The following ARFIP2 variants were observed in gnomAD, a reference collection of about 807,000 sequenced individuals.
The protein encoded by ARFIP2 is arfaptin-2.
A neutral mutation model predicts 39.2 loss-of-function variants in ARFIP2; 14 were observed. The observed-to-expected ratio is 0.36, with a 90% CI of 0.24 to 0.56. The LOEUF (loss-of-function observed/expected upper bound fraction) is 0.56, where lower values mean the gene tolerates loss of function less well. Ranked by LOEUF, ARFIP2 falls within the 20% of genes least tolerant of loss-of-function variation. The probability of loss-of-function intolerance (pLI) is 0.85; values close to 1 mark genes in which losing one functional copy is unlikely to be tolerated. For missense variants in ARFIP2, 305 were observed against 422.5 expected (o/e 0.72, Z 2.44); for synonymous variants, 167 against 172.4 (o/e 0.97, Z 0.24).
chr11:6,477,948 T>TCC lies in ARFIP2; in HGVS notation c.696-58_696-57dup, dbSNP rs1851277239. ...ACTCCTTTATCCTCAACACATACTC[T>TCC]CCTTTCCTTCCTGAATTCTTATGCC... On this transcript the variant is annotated intron_variant, in intron 6 of 7. Transcript: ENST00000396777. This position sits in a 1 kb window ranked among gnomAD's most constrained non-coding sequence, Gnocchi z 4.8. 2 of 1,604,554 alleles carry TCC rather than the reference T, an allele frequency of 1.2e-6. No individual in the cohort carries two copies. Among genetic ancestry groups the TCC allele is most frequent in the East Asian group, 4.5e-5 (2 of 44,616 alleles).
rs547334824 is a variant in ARFIP2 at position 6,481,288 on chromosome 11, G to A, written c.-100C>T. 3.0e-6 allele frequency: 2 copies of A among 660,850 alleles called. No homozygotes were observed. The highest frequency in any genetic ancestry group is 5.1e-6 in the Non-Finnish European group (2 of 393,602). 40.9% of individuals were successfully genotyped at this position (660,850 alleles called of 1,614,324 possible). A position where few individuals can be genotyped will look rare whatever the true frequency, so the allele number is the denominator to read the frequency against. On this transcript the variant is annotated 5_prime_UTR_variant, in exon 1 of 8. Coordinates refer to ENST00000396777, the MANE Select transcript of ARFIP2 (RefSeq NM_001376558.2). ...CAGGCCCGGGCCGCGCGGGGACCTC[G>A]GGCTCCAGTTCCCGTCGCGATCCTA...
At chr11:6,479,060 TG>T (rs1218312843) in intron 4 of ARFIP2, 79 bp downstream of exon 4, 3 of 1,581,254 alleles carry the variant, frequency 1.9e-6, no homozygotes, top group East Asian at 4.5e-5. Flanking sequence ...CAGCCACAGA[TG>T]GGATATTACG....
rs1564985046 is a variant in ARFIP2, at chr11:6,479,796, T to G, written c.196+176A>C. The stretch of plus-strand genomic sequence containing the variant: ...CAGGGGCTAAGTGGCAAAAGGGAAA[T>G]GGATGGACAACGCTGGGAGTTGCTT... On this transcript the variant is annotated intron_variant, in intron 3 of 7. Coordinates refer to ENST00000396777, the MANE Select transcript of ARFIP2 (RefSeq NM_001376558.2). 26 of 645,534 alleles carry G rather than the reference T, an allele frequency of 4.0e-5. 1 individual carries two copies. In the South Asian group the frequency reaches 4.9e-4, roughly 12 times the overall value. 40.0% of individuals were successfully genotyped at this position (645,534 alleles called of 1,614,324 possible). A position where few individuals can be genotyped will look rare whatever the true frequency, so the allele number is the denominator to read the frequency against.
At chr11:6,480,594 G>C (rs1851635945) in intron 1 of ARFIP2, 131 bp from the exon 2 acceptor site, 3 of 568,654 alleles carry the variant, frequency 5.3e-6, no homozygotes, top group Non-Finnish European at 9.2e-6. Flanking sequence ...CCTTTCTTCA[G>C]ATATATGTAT....
At position 6,477,860 on chromosome 11, in the gene ARFIP2, T is replaced by C. The variant is rs761724870; in HGVS notation, c.728A>G (p.Glu243Gly). 1 of 1,613,952 alleles carries C rather than the reference T, an allele frequency of 6.2e-7. No homozygotes were observed. The highest frequency in any genetic ancestry group is 1.1e-5 in the South Asian group (1 of 91,068). ...LEYDAYRTDLEELSLGPRDAG... is the reference protein window; with the variant it reads ...LEYDAYRTDLGELSLGPRDAG... Reference sequence around the variant, plus strand: ...ATCCCGGGGGCCTAGACTCAGCTCCTCTAAGTCTGTTCGGTAGGCATCATA... The same window carrying C: ...ATCCCGGGGGCCTAGACTCAGCTCCCCTAAGTCTGTTCGGTAGGCATCATA... The change falls in exon 7 of 8, where the codon GAG (glutamate) becomes GGG (glycine). Residue 243 changes from glutamate to glycine, a missense_variant. Coordinates refer to ENST00000396777, the MANE Select transcript of ARFIP2 (RefSeq NM_001376558.2). This position sits in a 1 kb window ranked among gnomAD's most constrained non-coding sequence, Gnocchi z 4.8.
At position 6,478,753 on chromosome 11, in the gene ARFIP2, C is replaced by T. The variant is rs1232166988; in HGVS notation, c.522G>A (p.Lys174=). The T allele has an allele frequency of 6.2e-7, 1 of 1,611,278 alleles. No individual in the cohort carries two copies. Among genetic ancestry groups the T allele is most frequent in the African/African-American group, 1.3e-5 (1 of 74,882 alleles). Reference sequence around the variant, plus strand: ...GGTGAGGCACCTGAAGCTCTGGGGACTTCTGGCTGAGGTCAGCAAAGGCAT... The same window carrying T: ...GGTGAGGCACCTGAAGCTCTGGGGATTTCTGGCTGAGGTCAGCAAAGGCAT... ...LGDAFADLSQ[K]SPELQEEFGY... is the part of the protein sequence containing the mutation. Residue 174 remains lysine, a synonymous_variant, in exon 5 of 8, where the codon AAG becomes AAA. Coordinates refer to ENST00000396777, the MANE Select transcript of ARFIP2 (RefSeq NM_001376558.2). The surrounding 1 kb of genome is among the most constrained non-coding windows in gnomAD (Gnocchi z 4.8).
In ARFIP2 at chr11:6,477,791, T is replaced by C. The variant is rs181724794; in HGVS notation, c.797A>G (p.Gln266Arg). ...CTTCTCATACTTGTCCCGATGGGCC[T>C]GGAAAGTGGCCTGGGCACTCTCAAG... Reference protein sequence around the residue: ...GRLESAQATFQAHRDKYEKLR... With the variant: ...GRLESAQATFRAHRDKYEKLR... The change falls in exon 7 of 8, where the codon CAG (glutamine) becomes CGG (arginine). Residue 266 changes from glutamine to arginine, a missense_variant. Physicochemically the swap from Gln to Arg is conservative, Grantham distance 43. Around this residue, in one of 3 missense-constraint regions of ARFIP2, gnomAD observed 112 missense variants for 118.2 expected, o/e 0.95. Transcript: ENST00000396777. The surrounding 1 kb of genome is among the most constrained non-coding windows in gnomAD (Gnocchi z 4.8). 2.2e-5 allele frequency: 35 copies of C among 1,613,986 alleles called. No individual in the cohort carries two copies. The Admixed American group carries it at 4.5e-4, about 21-fold the overall frequency.
In ARFIP2 at chr11:6,478,261, C is replaced by T; in HGVS notation, c.538-63G>A. ...TCCCTACCTGACTGAAGCTGTAGAG[C>T]CCTTCATTCCCCTCCTCCCCGGGGA... On this transcript the variant is annotated intron_variant, in intron 5 of 7. Transcript: ENST00000396777. The surrounding 1 kb of genome is among the most constrained non-coding windows in gnomAD (Gnocchi z 4.8). 3 of 1,572,798 alleles carry T rather than the reference C, an allele frequency of 1.9e-6. No homozygotes were observed. Among genetic ancestry groups the T allele is most frequent in the Non-Finnish European group, 8.7e-7 (1 of 1,148,448 alleles).
Position 6,478,847 on chromosome 11 carries a change from A to G in ARFIP2, c.428T>C (p.Val143Ala). 6.2e-7 allele frequency: 1 copy of G among 1,614,180 alleles called. No individual in the cohort carries two copies. Among genetic ancestry groups the G allele is most frequent in the Non-Finnish European group, 8.5e-7 (1 of 1,180,024 alleles). ...LRETKRKYES[V>A]LQLGRALTAH... ...TGTCAGTGCCCGGCCCAGCTGCAGG[A>G]CACTCTCATACTTGCGCTTCGTCTC... The change falls in exon 5 of 8, where the codon GTC becomes GCC. Residue 143 changes from valine to alanine, a missense_variant. Val to Ala is a moderately conservative substitution (Grantham distance 64). Around this residue, in one of 3 missense-constraint regions of ARFIP2, gnomAD observed 151 missense variants for 203.1 expected, o/e 0.74. Transcript: ENST00000396777. The surrounding 1 kb of genome is among the most constrained non-coding windows in gnomAD (Gnocchi z 4.8).
rs745337370 is a variant in ARFIP2, at chr11:6,477,921, C to G, written c.696-29G>C. 1.9e-6 allele frequency: 3 copies of G among 1,612,334 alleles called. No homozygotes were observed. Among genetic ancestry groups the G allele is most frequent in the South Asian group, 2.2e-5 (2 of 90,944 alleles). On this transcript the variant is annotated intron_variant, in intron 6 of 7. Coordinates refer to ENST00000396777, the MANE Select transcript of ARFIP2 (RefSeq NM_001376558.2). This position sits in a 1 kb window ranked among gnomAD's most constrained non-coding sequence, Gnocchi z 4.8. ...GGGAGGGGGTGATAAAGGCTGGTCTCCACTCCTTTATCCTCAACACATACT... is the reference window on the plus strand; with the variant it reads ...GGGAGGGGGTGATAAAGGCTGGTCTGCACTCCTTTATCCTCAACACATACT...
Position 6,481,325 on chromosome 11 carries a change from G to C in ARFIP2, c.-137C>G, listed in dbSNP as rs961807308. 9.5e-6 allele frequency: 8 copies of C among 838,306 alleles called. No individual in the cohort carries two copies. The highest frequency in any genetic ancestry group is 1.5e-5 in the Non-Finnish European group (8 of 532,194). The allele number at this position is 838,306 out of a possible 1,614,324, so 51.9% of individuals were successfully genotyped here. ...CCGTCGCGATCCTAGCAGCAGGTCA[G>C]GGACTCGGCGGAAATGACGTCCTCT... is the stretch of plus-strand genomic sequence containing the variant. On this transcript the variant is annotated 5_prime_UTR_variant, in exon 1 of 8. Coordinates refer to ENST00000396777, the MANE Select transcript of ARFIP2 (RefSeq NM_001376558.2).
rs374345673 is a variant in ARFIP2 at position 6,477,181 on chromosome 11, G to C, written c.958C>G (p.Leu320Val). 7.0e-5 allele frequency: 113 copies of C among 1,612,750 alleles called. No homozygotes were observed. The Middle Eastern group carries it at 3.9e-3, about 56-fold the overall frequency. Residue 320 changes from leucine (L) to valine (V), a missense_variant, in exon 8 of 8, where the codon CTG becomes GTG. Around this residue, in one of 3 missense-constraint regions of ARFIP2, gnomAD observed 112 missense variants for 118.2 expected, o/e 0.95. Coordinates refer to ENST00000396777, the MANE Select transcript of ARFIP2 (RefSeq NM_001376558.2). This position sits in a 1 kb window ranked among gnomAD's most constrained non-coding sequence, Gnocchi z 4.8. ...AGNQKQLEQTLQQFNIKLRPP... is the reference protein window; with the variant it reads ...AGNQKQLEQTVQQFNIKLRPP... ...CGCAGCTTGATGTTGAACTGCTGCA[G>C]GGTCTGCTCCAGCTGTTTCTGGTTC...
At position 6,477,656 on chromosome 11, in the gene ARFIP2, G is replaced by C; in HGVS notation, c.870+62C>G. ...CCTCATTCAATAATGGGGAGGGTCT[G>C]AGGGGAAGGTTAGTGTTACAGATGG... On this transcript the variant is annotated intron_variant, in intron 7 of 7. Coordinates refer to ENST00000396777, the MANE Select transcript of ARFIP2 (RefSeq NM_001376558.2). The surrounding 1 kb of genome is among the most constrained non-coding windows in gnomAD (Gnocchi z 4.8). The C allele has an allele frequency of 6.4e-7, 1 of 1,569,266 alleles. No individual in the cohort carries two copies. The highest frequency in any genetic ancestry group is 8.7e-7 in the Non-Finnish European group (1 of 1,150,304).
In ARFIP2 at chr11:6,477,637, T is replaced by A. The variant is rs1851223429; in HGVS notation, c.870+81A>T. The A allele has an allele frequency of 4.7e-6, 7 of 1,502,848 alleles. No individual in the cohort carries two copies. In the South Asian group the frequency reaches 8.7e-5, roughly 19 times the overall value. 93.1% of individuals were successfully genotyped at this position (1,502,848 alleles called of 1,614,324 possible). On this transcript the variant is annotated intron_variant, in intron 7 of 7. Transcript: ENST00000396777. The surrounding 1 kb of genome is among the most constrained non-coding windows in gnomAD (Gnocchi z 4.8). Reference sequence around the variant, plus strand: ...CCCCAGCTAGGCTGCATTTCCTCATTCAATAATGGGGAGGGTCTGAGGGGA... The same window carrying A: ...CCCCAGCTAGGCTGCATTTCCTCATACAATAATGGGGAGGGTCTGAGGGGA...
chr11:6,477,091 G>C lies in ARFIP2; in HGVS notation c.*22C>G, dbSNP rs760042625. 1.9e-6 allele frequency: 3 copies of C among 1,598,516 alleles called. No individual in the cohort carries two copies. In the Admixed American group the frequency reaches 5.1e-5, roughly 27 times the overall value. On this transcript the variant is annotated 3_prime_UTR_variant, in exon 8 of 8. Transcript: ENST00000396777. The surrounding 1 kb of genome is among the most constrained non-coding windows in gnomAD (Gnocchi z 4.8). ...GCCCTTCCCAATGTCTTTCTTGATA[G>C]CCAAGTTGGGCTGGGAGCAGCTCAC...
intron 1 of ARFIP2, 51 bp from the exon 2 acceptor site, chr11:6,480,514 A>C: frequency 2.1e-6 from 2 of 944,998 alleles, no homozygotes; most frequent in South Asian, 3.5e-5. Context: ...CTCTAGAAGA[A>C]GGAGGCCTCC....
Position 6,480,395 on chromosome 11 carries a change from T to C in ARFIP2, c.27A>G (p.Ala9=), listed in dbSNP as rs1851605880. ...CGTGGATAGGGATCTCCATTGTGGC[T>C]GCCTTCCCTAGGATCCCGTCCGTCA... The part of the protein sequence containing the change: MTDGILGK[A]ATMEIPIHGN... The change falls in exon 2 of 8, where the codon GCA becomes GCG. Residue 9 remains alanine, a synonymous_variant. Coordinates refer to ENST00000396777, the MANE Select transcript of ARFIP2 (RefSeq NM_001376558.2). The C allele has an allele frequency of 6.2e-7, 1 of 1,613,166 alleles. No individual in the cohort carries two copies.
rs1851322639 is a variant in ARFIP2, at chr11:6,478,343, G to A, written c.538-145C>T. The A allele has an allele frequency of 6.1e-6, 7 of 1,143,224 alleles. No homozygotes were observed. In the South Asian group the frequency reaches 1.1e-4, roughly 17 times the overall value. 70.8% of individuals were successfully genotyped at this position (1,143,224 alleles called of 1,614,324 possible). ...GACTGCCTCCAGCAAGGCTCTCTTA[G>A]CCGGAAAGTTAGTGGGATCACCCTG... On this transcript the variant is annotated intron_variant, in intron 5 of 7. Transcript: ENST00000396777. The surrounding 1 kb of genome is among the most constrained non-coding windows in gnomAD (Gnocchi z 4.8).
chr11:6,478,854 C>G lies in ARFIP2; in HGVS notation c.421G>C (p.Glu141Gln). The change falls in exon 5 of 8, where the codon GAG (glutamate) becomes CAG (glutamine). Residue 141 changes from glutamate (E) to glutamine (Q), a missense_variant. Coordinates refer to ENST00000396777, the MANE Select transcript of ARFIP2 (RefSeq NM_001376558.2). This position sits in a 1 kb window ranked among gnomAD's most constrained non-coding sequence, Gnocchi z 4.8. ...GCCCGGCCCAGCTGCAGGACACTCT[C>G]ATACTTGCGCTTCGTCTCACGCAGC... ...ELLRETKRKY[E>Q]SVLQLGRALT... 1 of 1,614,204 alleles carries G rather than the reference C, an allele frequency of 6.2e-7. No individual in the cohort carries two copies. Among genetic ancestry groups the G allele is most frequent in the Non-Finnish European group, 8.5e-7 (1 of 1,180,030 alleles).
Sources: gnomAD v4.1 joint callset for allele counts on GRCh38, gnomAD v4.1.1 for gene constraint, gnomAD v4.1.1 regional missense constraint, Gnocchi (gnomAD v3.1) non-coding constraint, MANE v1.5 for transcripts, NCBI Gene and HGNC (gene_info 2026-07-23, HGNC 2026-07-21) for gene names.